SRCAP: variants seen among roughly 807,000 people sequenced by gnomAD.
The protein encoded by SRCAP is Snf2 related CREBBP activator protein.
In SRCAP, 46 loss-of-function variants were observed where a neutral mutation model predicts 263.1. The ratio of observed to expected loss-of-function variants is 0.17; its 90% CI spans 0.14 to 0.22. The LOEUF is 0.22. Ranked by LOEUF, SRCAP falls within the 10% of genes least tolerant of loss-of-function variation. The probability of loss-of-function intolerance (pLI) is 1.00; values close to 1 mark genes in which losing one functional copy is unlikely to be tolerated. For missense variants in SRCAP, 3,695 were observed against 4,181.9 expected, an observed-to-expected ratio of 0.88 and a Z score of 3.21; for synonymous variants, 1,813 against 1,662.1, an observed-to-expected ratio of 1.09 and a Z score of -2.21.
Position 30,740,210 on chromosome 16 carries a change from G to C in SRCAP, c.*477G>C, listed in dbSNP as rs1324948789. On this transcript the variant is annotated 3_prime_UTR_variant, in exon 34 of 34. Coordinates refer to ENST00000262518, the MANE Select transcript of SRCAP (RefSeq NM_006662.3). ...GGGCATCGTTTTTCTCCTCCCTCTTGTTCTTGCAAAGATCCTAGCACCTGA... is the reference window on the plus strand; with the variant it reads ...GGGCATCGTTTTTCTCCTCCCTCTTCTTCTTGCAAAGATCCTAGCACCTGA... The C allele has an allele frequency of 6.6e-6, 1 of 152,218 alleles. No individual in the cohort carries two copies. The highest frequency in any genetic ancestry group is 2.4e-5 in the African/African-American group (1 of 41,222). The allele number at this position is 152,218 out of a possible 1,614,324, so 9.4% of individuals were successfully genotyped here. A position where few individuals can be genotyped will look rare whatever the true frequency, so the allele number is the denominator to read the frequency against.
rs976974065 is a variant in SRCAP, at chr16:30,724,437, T to C, written c.5013T>C (p.Pro1671=). ...QTMLPAPVPS[P]LPSPASTQTL... is the part of the protein sequence containing the mutation. Reference sequence around the variant, plus strand: ...TGCTACCAGCCCCGGTTCCGTCACCTCTCCCGAGCCCGGCTTCTACGCAGA... The same window carrying C: ...TGCTACCAGCCCCGGTTCCGTCACCCCTCCCGAGCCCGGCTTCTACGCAGA... The change falls in exon 25 of 34, where the codon CCT becomes CCC. Residue 1671 remains proline (P), a synonymous_variant. Transcript: ENST00000262518. The C allele has an allele frequency of 6.2e-7, 1 of 1,614,068 alleles. No homozygotes were observed. The highest frequency in any genetic ancestry group is 8.5e-7 in the Non-Finnish European group (1 of 1,180,010).
At chr16:30,732,992 C>T (rs543357811) in intron 27 of SRCAP, among the ~76,000 whole-genome samples, 69 of 152,216 alleles carry the variant, frequency 4.5e-4, no homozygotes, top group Non-Finnish European at 8.5e-4. Context: ...CCCGCCATCA[C>T]GCCCAGCTAA....
At position 30,716,006 on chromosome 16, in the gene SRCAP, T is replaced by A. The variant is rs1024710788; in HGVS notation, c.2494-60T>A. The stretch of plus-strand genomic sequence containing the variant: ...ACTCCATTAGTGTTTGCTGAGGGGC[T>A]TAGGCTGGGGCTCGGTGCCTGAGTT... On this transcript the variant is annotated intron_variant, in intron 16 of 33. Transcript: ENST00000262518. The A allele has an allele frequency of 4.7e-5, 76 of 1,608,788 alleles. No individual in the cohort carries two copies. In the Admixed American group the frequency reaches 1.1e-3, roughly 22 times the overall value.
At position 30,729,355 on chromosome 16, in the gene SRCAP, T is replaced by G. The variant is rs1360636246; in HGVS notation, c.5925-15T>G. ...GAGTCCCATCTTTTACACTGCCTGC[T>G]TCTTCCTTTCACAGGTTCATCTTTG... On this transcript the variant is annotated splice_polypyrimidine_tract_variant and intron_variant, in intron 26 of 33. Transcript: ENST00000262518. 1.2e-6 allele frequency: 2 copies of G among 1,613,888 alleles called. No homozygotes were observed. Among genetic ancestry groups the G allele is most frequent in the Non-Finnish European group, 8.5e-7 (1 of 1,179,854 alleles).
At chr16:30,701,048 A>G (rs1330546023) in intron 3 of SRCAP, among the ~76,000 whole-genome samples, 170 bp downstream of exon 3, 1 of 152,194 alleles carries the variant, frequency 6.6e-6, no homozygotes. Flanking sequence ...TCCATTTAAC[A>G]TTAGTGTAAT....
At chr16:30,710,659 G>A (rs772466338) in intron 8 of SRCAP, 95 bp from the exon 9 acceptor site, 6 of 1,243,356 alleles carry the variant, frequency 4.8e-6, no homozygotes, top group Non-Finnish European at 7.1e-6. Context: ...CACTCAATGG[G>A]ACAGTGATTC....
chr16:30,716,296 T>C lies in SRCAP; in HGVS notation c.2634T>C (p.Thr878=). The change falls in exon 18 of 34, where the codon ACT becomes ACC. Residue 878 remains threonine (T), a synonymous_variant. Coordinates refer to ENST00000262518, the MANE Select transcript of SRCAP (RefSeq NM_006662.3). ...TTTATTTTTCCTCTTTCCCCAGAAC[T>C]AAGGAGACACTAGCCACAGGCCATT... is the stretch of plus-strand genomic sequence containing the variant. ...LYDDFMAQTT[T]KETLATGHFM... 2 of 1,614,132 alleles carry C rather than the reference T, an allele frequency of 1.2e-6. No homozygotes were observed. Among genetic ancestry groups the C allele is most frequent in the Non-Finnish European group, 1.7e-6 (2 of 1,180,016 alleles).
In SRCAP at chr16:30,738,222, G is replaced by A. The variant is rs1269365988; in HGVS notation, c.8182G>A (p.Val2728Met). ...TCCTCGGCGTCGCACCAGTGCTGAT[G>A]TGGAAATTAGGGGTCAAGGGACTGG... Reference protein sequence around the residue: ...RPPRRRTSADVEIRGQGTGRP... With the variant: ...RPPRRRTSADMEIRGQGTGRP... The change falls in exon 34 of 34, where the codon GTG becomes ATG. Residue 2728 changes from valine to methionine, a missense_variant. Val to Met is a conservative substitution (Grantham distance 21). Coordinates refer to ENST00000262518, the MANE Select transcript of SRCAP (RefSeq NM_006662.3). 1 of 1,614,192 alleles carries A rather than the reference G, an allele frequency of 6.2e-7. No individual in the cohort carries two copies. The highest frequency in any genetic ancestry group is 8.5e-7 in the Non-Finnish European group (1 of 1,180,016).
At position 30,723,129 on chromosome 16, in the gene SRCAP, A is replaced by G. The variant is rs1479838868; in HGVS notation, c.4059A>G (p.Leu1353=). 1 of 1,613,948 alleles carries G rather than the reference A, an allele frequency of 6.2e-7. No homozygotes were observed. Among genetic ancestry groups the G allele is most frequent in the Non-Finnish European group, 8.5e-7 (1 of 1,179,990 alleles). ...GCCCCACGTTAACCCCTGGCCGGCT[A>G]CCCACACCTACTCTGGGTACTGCTC... ...NPRPTLTPGR[L]PTPTLGTARA... is the part of the protein sequence containing the mutation. The change falls in exon 24 of 34, where the codon CTA becomes CTG. Residue 1353 remains leucine, a synonymous_variant. Coordinates refer to ENST00000262518, the MANE Select transcript of SRCAP (RefSeq NM_006662.3).
Position 30,738,738 on chromosome 16 carries a change from A to G in SRCAP, c.8698A>G (p.Thr2900Ala), listed in dbSNP as rs1468720694. 4 of 1,613,702 alleles carry G rather than the reference A, an allele frequency of 2.5e-6. No homozygotes were observed. Among genetic ancestry groups the G allele is most frequent in the Non-Finnish European group, 3.4e-6 (4 of 1,179,914 alleles). Residue 2900 changes from threonine (T) to alanine (A), a missense_variant, in exon 34 of 34, where the codon ACC (threonine) becomes GCC (alanine). By Grantham distance (58) the Thr-to-Ala change is moderately conservative (BLOSUM62 0). Around this residue, in one of 12 missense-constraint regions of SRCAP, gnomAD observed 1,207 missense variants for 1,142.9 expected, o/e 1.06. Transcript: ENST00000262518. The part of the protein sequence containing the change: ...NGADPVPGPE[T>A]LIVADPVLEP... ...GGCTGACCCAGTCCCTGGGCCTGAG[A>G]CCCTAATTGTTGCAGATCCTGTCCT...
intron 2 of SRCAP, among the ~76,000 whole-genome samples, chr16:30,700,184 C>T (rs1197172941): frequency 2.0e-5 from 3 of 152,210 alleles, no homozygotes; most frequent in African/African-American, 7.2e-5. Context: ...CCTGGCTCTA[C>T]CAGGAAGAGT....
intron 19 of SRCAP, 108 bp downstream of exon 19, chr16:30,720,439 T>G: frequency 7.5e-7 from 1 of 1,328,112 alleles, no homozygotes; most frequent in South Asian, 1.4e-5. Flanking sequence ...CTGGAATATT[T>G]ATATGGGATG....
rs757680628 is a variant in SRCAP at position 30,709,732 on chromosome 16, G to C, written c.853G>C (p.Glu285Gln). 6 of 1,614,180 alleles carry C rather than the reference G, an allele frequency of 3.7e-6. No individual in the cohort carries two copies. Among genetic ancestry groups the C allele is most frequent in the Non-Finnish European group, 4.2e-6 (5 of 1,180,032 alleles). Residue 285 changes from glutamate to glutamine, a missense_variant, in exon 7 of 34, where the codon GAA becomes CAA. This residue lies in a region of SRCAP where 44 missense variants were observed against 42.9 expected (regional missense o/e 1.03). Coordinates refer to ENST00000262518, the MANE Select transcript of SRCAP (RefSeq NM_006662.3). ...ACCCCCTGCTTCTCGCCTGGATGATGAAGGTGTGTGTTCTCTTTGGTCCTG... is the reference window on the plus strand; with the variant it reads ...ACCCCCTGCTTCTCGCCTGGATGATCAAGGTGTGTGTTCTCTTTGGTCCTG... ...PPPPASRLDD[E>Q]DGDFQPQEDE...
chr16:30,726,658 C>T (rs184873467), intron 25 of SRCAP, among the ~76,000 whole-genome samples: 2 of 152,122 alleles, frequency 1.3e-5, no homozygotes, highest in Admixed American at 1.3e-4. Flanking sequence ...GCTGGGATTA[C>T]AGGCATGTGG....
chr16:30,739,382 C>G lies in SRCAP; in HGVS notation c.9342C>G (p.Thr3114=), dbSNP rs1342101053. 1.2e-6 allele frequency: 2 copies of G among 1,614,222 alleles called. No individual in the cohort carries two copies. ...LELTPPVVSL[T]PKLRSTRLRP... is the part of the protein sequence containing the mutation. ...TGACACCACCTGTGGTCTCACTAAC[C>G]CCAAAACTGCGCTCGACCCGGCTGC... The change falls in exon 34 of 34, where the codon ACC becomes ACG. Residue 3114 remains threonine, a synonymous_variant. Transcript: ENST00000262518.
At chr16:30,707,818 G>T in intron 6 of SRCAP, 106 bp downstream of exon 6, 1 of 1,418,260 alleles carries the variant, frequency 7.1e-7, no homozygotes, top group South Asian at 1.3e-5. Flanking sequence ...ATAATTTCAG[G>T]CAACTCTAAT....
chr16:30,731,247 A>T (rs950620141), intron 27 of SRCAP, among the ~76,000 whole-genome samples: 2 of 152,208 alleles, frequency 1.3e-5, no homozygotes, highest in African/African-American at 4.8e-5. Context: ...GGGAATAGCA[A>T]AAAAGACCTC....
At chr16:30,726,713 A>G (rs894309677) in intron 25 of SRCAP, among the ~76,000 whole-genome samples, 1 of 148,878 alleles carries the variant, frequency 6.7e-6, no homozygotes, top group Non-Finnish European at 1.5e-5. Flanking sequence ...ATTTTATTTT[A>G]TTTTTGAGAC....
intron 16 of SRCAP, among the ~76,000 whole-genome samples, chr16:30,714,797 G>A (rs781560638): frequency 8.6e-5 from 13 of 152,042 alleles, no homozygotes; most frequent in Non-Finnish European, 1.6e-4. Flanking sequence ...GTGAGCCACC[G>A]TTCCCAGCCT....
Sources: gnomAD v4.1 joint callset for allele counts (sites outside exome capture counted in the v4.1 genomes callset) on GRCh38, gnomAD v4.1.1 for gene constraint, gnomAD v4.1.1 regional missense constraint, MANE v1.5 for transcripts, NCBI Gene and HGNC (gene_info 2026-07-23, HGNC 2026-07-21) for gene names.